The following BCAT2 variants were observed in gnomAD, a reference collection of about 807,000 sequenced individuals.
BCAT2 encodes branched chain amino acid transaminase 2, also known as branched-chain-amino-acid aminotransferase, mitochondrial.
Under a neutral mutation model 52.9 loss-of-function variants are expected in BCAT2, and 44 were observed. The ratio of observed to expected loss-of-function variants is 0.83; its 90% CI spans 0.65 to 1.07. The LOEUF (loss-of-function observed/expected upper bound fraction) is 1.07. Ranked by LOEUF, BCAT2 falls within the 50% of genes least tolerant of loss-of-function variation. The pLI is 0.00. For missense variants in BCAT2, 478 were observed against 521.8 expected (o/e 0.92, Z 0.82); for synonymous variants, 215 against 217.1 (o/e 0.99, Z 0.08).
chr19:48,800,099 C>T lies in BCAT2; in HGVS notation c.413G>A (p.Ser138Asn). Residue 138 changes from serine (S) to asparagine (N), a missense_variant and splice_region_variant, in exon 5 of 11, where the codon AGT becomes AAT. Physicochemically the swap from Ser to Asn is conservative, Grantham distance 46. Coordinates refer to ENST00000316273, the MANE Select transcript of BCAT2 (RefSeq NM_001190.4). ...LRSAMRLCLP[S>N]FDKLELLECI... ...CTCCAGCAACTCCAGCTTGTCGAAA[C>T]TCTGGGTGGGATTCTGAATGAGTCA... 1 of 1,613,914 alleles carries T rather than the reference C, an allele frequency of 6.2e-7. No individual in the cohort carries two copies. The highest frequency in any genetic ancestry group is 1.1e-5 in the South Asian group (1 of 91,048).
chr19:48,795,369 G>A lies in BCAT2; in HGVS notation c.*57C>T. On this transcript the variant is annotated 3_prime_UTR_variant, in exon 11 of 11. Coordinates refer to ENST00000316273, the MANE Select transcript of BCAT2 (RefSeq NM_001190.4). ...TCAGGTGAGTCATTGGTAGGGAGGC[G>A]AGTGCTGGCGTGACGAGATGCTACG... is the stretch of plus-strand genomic sequence containing the variant. 1.2e-6 allele frequency: 2 copies of A among 1,609,524 alleles called. No individual in the cohort carries two copies.
Position 48,796,724 on chromosome 19 carries a change from G to T in BCAT2, c.925-6C>A. On this transcript the variant is annotated splice_region_variant and splice_polypyrimidine_tract_variant and intron_variant, in intron 8 of 10. Transcript: ENST00000316273. ...TCCACCACCCGGAACTCACCCTGCAGGGCAGTTGGCAGAGACACGTGTCCC... is the reference window on the plus strand; with the variant it reads ...TCCACCACCCGGAACTCACCCTGCATGGCAGTTGGCAGAGACACGTGTCCC... 1 of 1,609,106 alleles carries T rather than the reference G, an allele frequency of 6.2e-7. No homozygotes were observed.
chr19:48,796,659 C>T lies in BCAT2; in HGVS notation c.984G>A (p.Glu328=), dbSNP rs377753384. Residue 328 remains glutamate (E), a synonymous_variant, in exon 9 of 11, where the codon GAG becomes GAA. Coordinates refer to ENST00000316273, the MANE Select transcript of BCAT2 (RefSeq NM_001190.4). ...ITMKQLLRAL[E]EGRVREVFGS... Reference sequence around the variant, plus strand: ...CAAAGACTTCCCGCACGCGGCCCTCCTCCAGGGCCCGCAGCAACTGCTTCA... The same window carrying T: ...CAAAGACTTCCCGCACGCGGCCCTCTTCCAGGGCCCGCAGCAACTGCTTCA... 1 of 1,613,686 alleles carries T rather than the reference C, an allele frequency of 6.2e-7. No homozygotes were observed. Among genetic ancestry groups the T allele is most frequent in the African/African-American group, 1.3e-5 (1 of 75,062 alleles).
intron 2 of BCAT2, 25 bp from the exon 3 acceptor site, chr19:48,806,742 G>A (rs924975674): frequency 6.2e-6 from 10 of 1,609,428 alleles, no homozygotes; most frequent in Non-Finnish European, 8.5e-6. Flanking sequence ...GGGTATCCTA[G>A]AATCTGGCCA....
intron 6 of BCAT2, 27 bp from the exon 7 acceptor site, chr19:48,797,360 G>A: frequency 1.2e-6 from 2 of 1,612,846 alleles, no homozygotes; most frequent in Non-Finnish European, 1.7e-6. Flanking sequence ...TGGTTGGGTG[G>A]GGCAAGGGAG....
intron 3 of BCAT2, among the ~76,000 whole-genome samples, chr19:48,805,338 C>T (rs1568510135): frequency 6.6e-6 from 1 of 152,102 alleles, no homozygotes; most frequent in South Asian, 2.1e-4. Flanking sequence ...GGTCACCAGC[C>T]CGGCTTCCTA....
chr19:48,804,930 G>A (rs972811346), intron 3 of BCAT2, among the ~76,000 whole-genome samples: 2 of 152,012 alleles, frequency 1.3e-5, no homozygotes, highest in Non-Finnish European at 2.9e-5. Context: ...GTACAGAATC[G>A]ACTGGTGTTG....
At position 48,799,821 on chromosome 19, in the gene BCAT2, G is replaced by A. The variant is rs1422523130; in HGVS notation, c.549C>T (p.Ser183=). Residue 183 remains serine, a synonymous_variant, in exon 6 of 11, where the codon AGC becomes AGT. Transcript: ENST00000316273. This position sits in a 1 kb window ranked among gnomAD's most constrained non-coding sequence, Gnocchi z 5.5. ...CGAACAGGAGCGCGCGCGTGGGCTG[G>A]CTGACACCCAGCGAGGGCTGCGACG... ...LIGNEPSLGV[S]QPTRALLFVI... The A allele has an allele frequency of 1.3e-6, 2 of 1,558,578 alleles. No homozygotes were observed. The highest frequency in any genetic ancestry group is 1.7e-6 in the Non-Finnish European group (2 of 1,151,242).
Position 48,796,924 on chromosome 19 carries a change from G to A in BCAT2, c.924+13C>T, listed in dbSNP as rs181304651. On this transcript the variant is annotated intron_variant, in intron 8 of 10. Coordinates refer to ENST00000316273, the MANE Select transcript of BCAT2 (RefSeq NM_001190.4). Reference sequence around the variant, plus strand: ...CACATGGCGCCCATCACCAGAAGATGCCATGTCCTCACCCAGGTCTGAGCC... The same window carrying A: ...CACATGGCGCCCATCACCAGAAGATACCATGTCCTCACCCAGGTCTGAGCC... 6.2e-7 allele frequency: 1 copy of A among 1,613,690 alleles called. No homozygotes were observed. Among genetic ancestry groups the A allele is most frequent in the Non-Finnish European group, 8.5e-7 (1 of 1,179,704 alleles).
Position 48,800,102 on chromosome 19 carries a change from T to G in BCAT2, c.412-2A>C. 1 of 1,613,856 alleles carries G rather than the reference T, an allele frequency of 6.2e-7. No individual in the cohort carries two copies. The highest frequency in any genetic ancestry group is 8.5e-7 in the Non-Finnish European group (1 of 1,179,838). On this transcript the variant is annotated splice_acceptor_variant, in intron 4 of 10. Transcript: ENST00000316273. LOFTEE classifies it high-confidence loss of function. ...CAGCAACTCCAGCTTGTCGAAACTC[T>G]GGGTGGGATTCTGAATGAGTCAAGG...
intron 3 of BCAT2, 104 bp from the exon 4 acceptor site, chr19:48,800,401 G>A (rs1445643867): frequency 1.9e-6 from 2 of 1,040,782 alleles, no homozygotes; most frequent in East Asian, 2.6e-5. Context: ...ACAACTGAAA[G>A]ATGGAGGCCA....
At position 48,796,520 on chromosome 19, in the gene BCAT2, G is replaced by T; in HGVS notation, c.1066-18C>A. The T allele has an allele frequency of 6.2e-7, 1 of 1,611,900 alleles. No individual in the cohort carries two copies. The highest frequency in any genetic ancestry group is 8.5e-7 in the Non-Finnish European group (1 of 1,179,432). On this transcript the variant is annotated intron_variant, in intron 9 of 10. Coordinates refer to ENST00000316273, the MANE Select transcript of BCAT2 (RefSeq NM_001190.4). ...TGGAGGTTCTGGGACAGAAGGTGCG[G>T]TGAGGACCAAGCCCCTCCCCTCCTT...
chr19:48,795,521 G>A, intron 10 of BCAT2, 57 bp from the exon 11 acceptor site: 1 of 1,597,294 alleles, frequency 6.3e-7, no homozygotes, highest in Non-Finnish European at 8.6e-7. Flanking sequence ...CTCCCAGTAG[G>A]CCCTGGGGTG....
At chr19:48,802,741 C>T (rs1034959712) in intron 3 of BCAT2, among the ~76,000 whole-genome samples, 3 of 152,002 alleles carry the variant, frequency 2.0e-5, no homozygotes, top group Admixed American at 6.6e-5. Context: ...CCATCACAGC[C>T]GGCCCTGTAC....
chr19:48,808,485 A>G (rs1335972801), intron 1 of BCAT2, among the ~76,000 whole-genome samples: 1 of 152,104 alleles, frequency 6.6e-6, no homozygotes, highest in Non-Finnish European at 1.5e-5. Flanking sequence ...GGCCACACGC[A>G]GTGGCTCGCG....
intron 1 of BCAT2, among the ~76,000 whole-genome samples, chr19:48,810,657 A>C (rs1350714281): frequency 2.8e-5 from 4 of 140,352 alleles, no homozygotes; most frequent in African/African-American, 8.1e-5. Flanking sequence ...GCCCCACCGC[A>C]CCCCAGGGCT....
At position 48,799,942 on chromosome 19, in the gene BCAT2, C is replaced by T. The variant is rs2034617524; in HGVS notation, c.531+39G>A. The T allele has an allele frequency of 1.9e-6, 3 of 1,609,142 alleles. No homozygotes were observed. Among genetic ancestry groups the T allele is most frequent in the African/African-American group, 2.7e-5 (2 of 74,808 alleles). On this transcript the variant is annotated intron_variant, in intron 5 of 10. Coordinates refer to ENST00000316273, the MANE Select transcript of BCAT2 (RefSeq NM_001190.4). This position sits in a 1 kb window ranked among gnomAD's most constrained non-coding sequence, Gnocchi z 5.5. ...CCACCCCTGCCCTGCAGAATCCAAC[C>T]CCCGCAGCCCAGCTTCCCAGCCCTG...
intron 7 of BCAT2, 57 bp downstream of exon 7, chr19:48,797,134 G>A: frequency 6.2e-7 from 1 of 1,608,614 alleles, no homozygotes; most frequent in Non-Finnish European, 8.5e-7. Context: ...AACCTGCCAG[G>A]AATGATGGTG....
intron 10 of BCAT2, 87 bp from the exon 11 acceptor site, chr19:48,795,551 G>A: frequency 4.7e-6 from 7 of 1,486,470 alleles, no homozygotes; most frequent in Non-Finnish European, 6.5e-6. Context: ...GAGTGCCTAC[G>A]GAGCTGTGCC....
Sources: allele counts gnomAD v4.1 joint callset (sites outside exome capture counted in the v4.1 genomes callset), GRCh38; gene constraint gnomAD v4.1.1; non-coding constraint Gnocchi (gnomAD v3.1); transcripts MANE v1.5; gene names NCBI Gene and HGNC (gene_info 2026-07-23, HGNC 2026-07-21).